Variants in RYR1 observed in about 807,000 individuals in gnomAD.
RYR1 encodes the protein central core disease of muscle.
A neutral mutation model predicts 583.5 loss-of-function variants in RYR1; 342 were observed. The ratio of observed to expected loss-of-function variants is 0.59; its 90% CI spans 0.54 to 0.64. The LOEUF is 0.64. Among genes scored for constraint, RYR1 ranks in the 30% least tolerant of loss-of-function variants. RYR1 has a pLI of 0.00. For synonymous variants in RYR1, 2,791 were observed against 2,822.5 expected, an observed-to-expected ratio of 0.99 and a Z score of 0.35; for missense variants, 6,032 against 6,917.2, an observed-to-expected ratio of 0.87 and a Z score of 4.54.
rs927185585 is a variant in RYR1, at chr19:38,492,755, G to C, written c.6274+119G>C. On this transcript the variant is annotated intron_variant, in intron 38 of 105. Transcript: ENST00000359596. ...ATGCAAGGGAGGGGTAGATAGGCAGGAGTGAGAGGGGAAGAGTGGCGGGCA... is the reference window on the plus strand; with the variant it reads ...ATGCAAGGGAGGGGTAGATAGGCAGCAGTGAGAGGGGAAGAGTGGCGGGCA... 1.2e-5 allele frequency: 13 copies of C among 1,078,134 alleles called. No individual in the cohort carries two copies. The East Asian group carries it at 2.4e-4, about 20-fold the overall frequency. The allele number at this position is 1,078,134 out of a possible 1,614,324, so 66.8% of individuals were successfully genotyped here. A position where few individuals can be genotyped will look rare whatever the true frequency, so the allele number is the denominator to read the frequency against.
At chr19:38,504,086 C>A (rs1441278723) in intron 49 of RYR1, 134 bp from the exon 50 acceptor site, 4 of 944,864 alleles carry the variant, frequency 4.2e-6, no homozygotes, top group Non-Finnish European at 4.9e-6. Flanking sequence ...CCCTTATTAG[C>A]ATATCATTTG....
At chr19:38,435,096 C>T (rs1008759066) in intron 1 of RYR1, among the ~76,000 whole-genome samples, 1 of 152,212 alleles carries the variant, frequency 6.6e-6, no homozygotes, top group African/African-American at 2.4e-5. Context: ...CTTGAGCTGT[C>T]GCTCTAAACC....
rs766569166 is a variant in RYR1 at position 38,443,725 on chromosome 19, G to A, written c.353G>A (p.Ser118Asn). The A allele has an allele frequency of 1.2e-6, 2 of 1,614,122 alleles. No homozygotes were observed. Among genetic ancestry groups the A allele is most frequent in the East Asian group, 4.5e-5 (2 of 44,882 alleles). Residue 118 changes from serine (S) to asparagine (N), a missense_variant, in exon 5 of 106, where the codon AGC (serine) becomes AAC (asparagine). This residue lies in a region of RYR1 where 338 missense variants were observed against 441.6 expected (regional missense o/e 0.77). Transcript: ENST00000359596. ...CTCCCTCTACAACCCTAGTATCTGAGCTGCCTCACCACCTCCCGCTCCATG... is the reference window on the plus strand; with the variant it reads ...CTCCCTCTACAACCCTAGTATCTGAACTGCCTCACCACCTCCCGCTCCATG... ...LRHAHSRMYLSCLTTSRSMTD... is the reference protein window; with the variant it reads ...LRHAHSRMYLNCLTTSRSMTD...
At chr19:38,524,170 T>A (rs1163893603) in intron 70 of RYR1, among the ~76,000 whole-genome samples, 1 of 142,596 alleles carries the variant, frequency 7.0e-6, no homozygotes, top group East Asian at 2.0e-4. Context: ...CTTTTTTTTT[T>A]CTGGACTTTT....
At chr19:38,460,685 G>A (rs1002616541) in intron 20 of RYR1, 94 bp downstream of exon 20, 2 of 1,248,800 alleles carry the variant, frequency 1.6e-6, no homozygotes, top group African/African-American at 1.5e-5. Context: ...TGTAATCCCA[G>A]CACTTTGGAT....
chr19:38,524,586 G>A (rs1010161514), intron 70 of RYR1, among the ~76,000 whole-genome samples: 6 of 152,238 alleles, frequency 3.9e-5, no homozygotes, highest in Non-Finnish European at 7.3e-5. Flanking sequence ...TCTCGCTGGC[G>A]TGACTGGGGT....
intron 76 of RYR1, among the ~76,000 whole-genome samples, chr19:38,529,638 CAAATA>C (rs1353705233): frequency 2.0e-5 from 3 of 152,102 alleles, no homozygotes; most frequent in African/African-American, 7.2e-5. Context: ...GTGTCTTGCT[CAAATA>C]AAATCAGTAT....
chr19:38,505,047 C>A lies in RYR1; in HGVS notation c.8276C>A (p.Ala2759Glu), dbSNP rs866139708. 6.2e-7 allele frequency: 1 copy of A among 1,614,016 alleles called. No individual in the cohort carries two copies. The highest frequency in any genetic ancestry group is 8.5e-7 in the Non-Finnish European group (1 of 1,180,024). The change falls in exon 52 of 106, where the codon GCG (alanine) becomes GAG (glutamate). Residue 2759 changes from alanine (A) to glutamate (E), a missense_variant. Ala to Glu is a moderately radical substitution (Grantham distance 107). Transcript: ENST00000359596. ...CTGGACTCCTTCATTAACAAGTTTG[C>A]GGAGTACACACACGAGAAGTGGGCC... Reference protein sequence around the residue: ...EKLDSFINKFAEYTHEKWAFD... With the variant: ...EKLDSFINKFEEYTHEKWAFD...
chr19:38,510,320 T>C (rs1970670681), intron 58 of RYR1, among the ~76,000 whole-genome samples, 178 bp from the exon 59 acceptor site: 3 of 150,044 alleles, frequency 2.0e-5, no homozygotes, highest in Admixed American at 2.0e-4. Context: ...AAAAAAGGAG[T>C]TGGGGGAATC....
chr19:38,548,431 G>A lies in RYR1; in HGVS notation c.12282+11G>A, dbSNP rs771779659. 5 of 1,612,344 alleles carry A rather than the reference G, an allele frequency of 3.1e-6. No individual in the cohort carries two copies. In the African/African-American group the frequency reaches 5.3e-5, roughly 17 times the overall value. The stretch of plus-strand genomic sequence containing the variant: ...AAGGACTTCCAGAAGGTGGGTGTGG[G>A]ACATCGTGTGGGCCCAGGACTTGGG... On this transcript the variant is annotated intron_variant, in intron 89 of 105. Coordinates refer to ENST00000359596, the MANE Select transcript of RYR1 (RefSeq NM_000540.3).
chr19:38,499,369 T>C lies in RYR1; in HGVS notation c.7027+126T>C. The C allele has an allele frequency of 6.7e-7, 1 of 1,484,712 alleles. No individual in the cohort carries two copies. The highest frequency in any genetic ancestry group is 9.3e-7 in the Non-Finnish European group (1 of 1,072,084). 92.0% of individuals were successfully genotyped at this position (1,484,712 alleles called of 1,614,324 possible). A position where few individuals can be genotyped will look rare whatever the true frequency, so the allele number is the denominator to read the frequency against. On this transcript the variant is annotated intron_variant, in intron 43 of 105. Coordinates refer to ENST00000359596, the MANE Select transcript of RYR1 (RefSeq NM_000540.3). This position sits in a 1 kb window ranked among gnomAD's most constrained non-coding sequence, Gnocchi z 7.3. ...AGGCAGGAATCCCTTCCAGCAGGCC[T>C]GGGGCTGGCAGGGGCCTGTGTTACC... is the stretch of plus-strand genomic sequence containing the variant.
intron 16 of RYR1, among the ~76,000 whole-genome samples, chr19:38,456,895 A>G (rs1967429577): frequency 6.6e-6 from 1 of 151,340 alleles, no homozygotes; most frequent in Non-Finnish European, 1.5e-5. Flanking sequence ...AAATACAAAA[A>G]ATTAGCCAGG....
chr19:38,526,962 A>G lies in RYR1; in HGVS notation c.10627-31A>G, dbSNP rs200712339. ...GGTCAGGAAGGAGGATGGGACCTCC[A>G]GAGTGACCCAGCCTGGCTCTGTCTC... On this transcript the variant is annotated intron_variant, in intron 71 of 105. Transcript: ENST00000359596. 2.8e-5 allele frequency: 45 copies of G among 1,612,466 alleles called. No individual in the cohort carries two copies. In the Admixed American group the frequency reaches 2.8e-4, roughly 10 times the overall value.
rs374037540 is a variant in RYR1 at position 38,567,945 on chromosome 19, C to G, written c.13659+28C>G. 37 of 1,611,630 alleles carry G rather than the reference C, an allele frequency of 2.3e-5. No homozygotes were observed. The African/African-American group carries it at 4.9e-4, about 21-fold the overall frequency. ...AAGGATCCAGCCAGGTCACCTGAAC[C>G]TTCTTCTCCCCGGGAGCCCCACCTC... On this transcript the variant is annotated intron_variant, in intron 93 of 105. Coordinates refer to ENST00000359596, the MANE Select transcript of RYR1 (RefSeq NM_000540.3).
chr19:38,506,677 G>T, intron 56 of RYR1, 131 bp downstream of exon 56: 1 of 1,471,714 alleles, frequency 6.8e-7, no homozygotes, highest in East Asian at 2.4e-5. Flanking sequence ...TACCACCATG[G>T]GGTAATGAGA....
intron 72 of RYR1, among the ~76,000 whole-genome samples, chr19:38,527,382 T>A (rs1054338507): frequency 6.6e-6 from 1 of 152,170 alleles, no homozygotes; most frequent in East Asian, 1.9e-4. Context: ...TGATGGCGGG[T>A]GCCTGTAGTC....
At position 38,500,813 on chromosome 19, in the gene RYR1, G is replaced by C. The variant is rs1319965991; in HGVS notation, c.7445-8G>C. The C allele has an allele frequency of 6.2e-7, 1 of 1,613,832 alleles. No individual in the cohort carries two copies. Among genetic ancestry groups the C allele is most frequent in the Non-Finnish European group, 8.5e-7 (1 of 1,179,900 alleles). On this transcript the variant is annotated splice_region_variant and splice_polypyrimidine_tract_variant and intron_variant, in intron 46 of 105. Coordinates refer to ENST00000359596, the MANE Select transcript of RYR1 (RefSeq NM_000540.3). The surrounding 1 kb of genome is among the most constrained non-coding windows in gnomAD (Gnocchi z 5.9). The stretch of plus-strand genomic sequence containing the variant: ...GGGCATCCCCGAACCCACCCTCCCT[G>C]CCTGCAGATGGGGCTCTGGTGCAGC...
At chr19:38,554,447 T>C (rs1972798487) in intron 89 of RYR1, among the ~76,000 whole-genome samples, 1 of 127,428 alleles carries the variant, frequency 7.8e-6, no homozygotes, top group Non-Finnish European at 1.7e-5. Flanking sequence ...CAAGACTCAG[T>C]CTCAAAAGAA....
At chr19:38,440,241 A>G (rs374484390) in intron 1 of RYR1, among the ~76,000 whole-genome samples, 2 of 152,192 alleles carry the variant, frequency 1.3e-5, no homozygotes, top group South Asian at 2.1e-4. Flanking sequence ...GCAGTGAGCT[A>G]TAATTTACAC....
Sources: gnomAD v4.1 joint callset for allele counts (sites outside exome capture counted in the v4.1 genomes callset) on GRCh38, gnomAD v4.1.1 for gene constraint, gnomAD v4.1.1 regional missense constraint, Gnocchi (gnomAD v3.1) non-coding constraint, MANE v1.5 for transcripts, NCBI Gene and HGNC (gene_info 2026-07-23, HGNC 2026-07-21) for gene names.